Variants in PHTF1 observed in about 807,000 individuals in gnomAD.
The protein encoded by PHTF1 is putative homeodomain transcription factor 1.
In PHTF1, 88 loss-of-function variants were observed where a neutral mutation model predicts 102.4. The observed-to-expected ratio is 0.86, with a 90% CI of 0.72 to 1.03. The LOEUF (loss-of-function observed/expected upper bound fraction) is 1.03, where lower values mean the gene tolerates loss of function less well. Ranked by LOEUF, PHTF1 falls within the 50% of genes least tolerant of loss-of-function variation. The probability of loss-of-function intolerance (pLI) is 0.00; values close to 1 mark genes in which losing one functional copy is unlikely to be tolerated. For synonymous variants in PHTF1, 289 were observed against 305.2 expected, an observed-to-expected ratio of 0.95 and a Z score of 0.55; for missense variants, 814 against 909.5, an observed-to-expected ratio of 0.89 and a Z score of 1.35.
Position 113,699,924 on chromosome 1 carries a change from G to T in PHTF1, c.2047-125C>A, listed in dbSNP as rs151225592. Reference sequence around the variant, plus strand: ...AAATTTTGAAATTCCAATAGCTATCGCTACAGAGAACATATGTCATGTGCT... The same window carrying T: ...AAATTTTGAAATTCCAATAGCTATCTCTACAGAGAACATATGTCATGTGCT... On this transcript the variant is annotated intron_variant, in intron 16 of 18. Transcript: ENST00000369604. The T allele has an allele frequency of 3.0e-4, 203 of 681,700 alleles. 1 individual carries two copies. In the East Asian group the frequency reaches 5.6e-3, roughly 19 times the overall value. The allele number at this position is 681,700 out of a possible 1,614,324, so 42.2% of individuals were successfully genotyped here. A position where few individuals can be genotyped will look rare whatever the true frequency, so the allele number is the denominator to read the frequency against.
chr1:113,733,495 CT>C (rs1247230737), intron 5 of PHTF1, among the ~76,000 whole-genome samples: 4 of 152,088 alleles, frequency 2.6e-5, no homozygotes, highest in Admixed American at 1.3e-4. Context: ...CCCAACAAAA[CT>C]CATATTGAAA....
rs535475039 is a variant in PHTF1 at position 113,731,746 on chromosome 1, A to G, written c.332-5172T>C. On this transcript the variant is annotated intron_variant, in intron 5 of 18. Transcript: ENST00000369604. ...CCCGTCTCTACTAAAAATACAAAAA[A>G]ATTTGCCAGGCATGGTAGCGGGTAC... 2.0e-5 allele frequency among the ~76,000 whole-genome samples: 3 copies of G among 150,822 alleles called. No individual in the cohort carries two copies. The South Asian group carries it at 6.3e-4, about 32-fold the overall frequency.
chr1:113,713,661 T>C, intron 7 of PHTF1: 1 of 470,576 alleles, frequency 2.1e-6, no homozygotes, highest in South Asian at 2.5e-5. Flanking sequence ...GTCAATTAAC[T>C]GAAAGGAAGC....
At chr1:113,744,583 C>T (rs1338201866) in intron 3 of PHTF1, among the ~76,000 whole-genome samples, 3 of 152,022 alleles carry the variant, frequency 2.0e-5, no homozygotes, top group Non-Finnish European at 4.4e-5. Flanking sequence ...AAGATTTCCA[C>T]AAAGAAAAAT....
rs759233198 is a variant in PHTF1 at position 113,698,391 on chromosome 1, C to CA, written c.2143-5dup. 2.5e-6 allele frequency: 4 copies of CA among 1,608,040 alleles called. No homozygotes were observed. Among genetic ancestry groups the CA allele is most frequent in the Non-Finnish European group, 2.5e-6 (3 of 1,177,202 alleles). On this transcript the variant is annotated splice_polypyrimidine_tract_variant and splice_region_variant and intron_variant, in intron 17 of 18. Transcript: ENST00000369604. The stretch of plus-strand genomic sequence containing the variant: ...GTCTAAATGGTGTGTCCAGCTCCTA[C>CA]AAAAAACATCAAAGAATTGAAATGA...
chr1:113,701,164 A>G (rs537124010), intron 15 of PHTF1, among the ~76,000 whole-genome samples: 7 of 152,348 alleles, frequency 4.6e-5, no homozygotes, highest in African/African-American at 1.7e-4. Flanking sequence ...AGGGTCTAGA[A>G]GTAACAAAGA....
chr1:113,726,140 G>A (rs1355624457), intron 6 of PHTF1, among the ~76,000 whole-genome samples: 1 of 152,046 alleles, frequency 6.6e-6, no homozygotes, highest in Non-Finnish European at 1.5e-5. Context: ...TTTCTTTGAA[G>A]CCAATATATG....
At chr1:113,736,488 T>C (rs1339696500) in intron 5 of PHTF1, among the ~76,000 whole-genome samples, 1 of 152,086 alleles carries the variant, frequency 6.6e-6, no homozygotes, top group Non-Finnish European at 1.5e-5. Context: ...CTCACACCTG[T>C]AATCCCAGCA....
rs749895540 is a variant in PHTF1 at position 113,700,785 on chromosome 1, G to A, written c.2046+9C>T. ...ACCACTAAACCCAATTGACAGGACT[G>A]ATCAATACCTGTTCTGTAAGTAATA... On this transcript the variant is annotated intron_variant, in intron 16 of 18. Transcript: ENST00000369604. 1 of 1,612,306 alleles carries A rather than the reference G, an allele frequency of 6.2e-7. No homozygotes were observed. The highest frequency in any genetic ancestry group is 2.2e-5 in the East Asian group (1 of 44,858).
intron 6 of PHTF1, 89 bp downstream of exon 6, chr1:113,726,329 G>T: frequency 1.0e-6 from 1 of 996,956 alleles, no homozygotes; most frequent in Non-Finnish European, 1.5e-6. Flanking sequence ...ACACAAAAGA[G>T]GGAGATTTTA....
At chr1:113,724,032 T>C (rs190155617) in intron 7 of PHTF1, among the ~76,000 whole-genome samples, 5 of 152,276 alleles carry the variant, frequency 3.3e-5, no homozygotes, top group Admixed American at 2.6e-4. Context: ...ACTCATATCA[T>C]TGATCACAGA....
At chr1:113,710,803 T>G (rs1453595089) in intron 10 of PHTF1, among the ~76,000 whole-genome samples, 3 of 88,228 alleles carry the variant, frequency 3.4e-5, no homozygotes, top group Admixed American at 1.3e-4. Context: ...TATATATATA[T>G]ATATATATTT....
At chr1:113,733,477 C>T (rs1655018103) in intron 5 of PHTF1, among the ~76,000 whole-genome samples, 1 of 152,132 alleles carries the variant, frequency 6.6e-6, no homozygotes, top group South Asian at 2.1e-4. Context: ...GATGCTATAA[C>T]ATATGTCCCC....
chr1:113,708,499 G>A (rs1454844436), intron 11 of PHTF1, among the ~76,000 whole-genome samples: 6 of 152,080 alleles, frequency 3.9e-5, no homozygotes, highest in South Asian at 2.1e-4. Context: ...GGTGGCAGGC[G>A]GCAGGCACCT....
intron 7 of PHTF1, among the ~76,000 whole-genome samples, chr1:113,720,229 T>A (rs1031896637): frequency 1.3e-5 from 2 of 152,168 alleles, no homozygotes; most frequent in Admixed American, 6.5e-5. Context: ...AAGGGGTCAA[T>A]GCAGCAAGAG....
Position 113,706,059 on chromosome 1 carries a change from C to T in PHTF1, c.1502G>A (p.Ser501Asn), listed in dbSNP as rs757898598. Reference protein sequence around the residue: ...PFLHRLFREKSLDQLKSISAE... With the variant: ...PFLHRLFREKNLDQLKSISAE... ...TGAAATGGACTTTAGTTGGTCAAGG[C>T]TCTTCTCACGGAAAAGTCGATGTAA... Residue 501 changes from serine (S) to asparagine (N), a missense_variant, in exon 13 of 19, where the codon AGC becomes AAC. Transcript: ENST00000369604. 21 of 1,614,014 alleles carry T rather than the reference C, an allele frequency of 1.3e-5. No homozygotes were observed. Among genetic ancestry groups the T allele is most frequent in the Admixed American group, 1.2e-4 (7 of 60,000 alleles).
At chr1:113,701,164 A>C in intron 15 of PHTF1, among the ~76,000 whole-genome samples, 1 of 152,230 alleles carries the variant, frequency 6.6e-6, no homozygotes, top group East Asian at 1.9e-4. Context: ...AGGGTCTAGA[A>C]GTAACAAAGA....
rs369089143 is a variant in PHTF1 at position 113,737,838 on chromosome 1, G to A, written c.331+272C>T. ...AAAACACACATACCCAATTTCAAAG[G>A]CTCAAAGGTCAGACACAAGAAAAGA... On this transcript the variant is annotated intron_variant, in intron 5 of 18. Coordinates refer to ENST00000369604, the MANE Select transcript of PHTF1 (RefSeq NM_001323043.2). Among the ~76,000 whole-genome samples the A allele has an allele frequency of 6.6e-5, 10 of 152,194 alleles. No homozygotes were observed. In the East Asian group the frequency reaches 1.9e-3, roughly 29 times the overall value.
chr1:113,730,476 T>G (rs78790898), intron 5 of PHTF1, among the ~76,000 whole-genome samples: 1 of 152,314 alleles, frequency 6.6e-6, no homozygotes, highest in Non-Finnish European at 1.5e-5. Context: ...AAATGTTGAC[T>G]GATTGGGTGA....
Sources: gnomAD v4.1 joint callset for allele counts (sites outside exome capture counted in the v4.1 genomes callset) on GRCh38, gnomAD v4.1.1 for gene constraint, MANE v1.5 for transcripts, NCBI Gene and HGNC (gene_info 2026-07-23, HGNC 2026-07-21) for gene names.